The following CNTN4 variants were observed in gnomAD, a reference collection of about 807,000 sequenced individuals.
CNTN4 encodes contactin 4.
CNTN4 carries 77 observed loss-of-function variants against 122.5 expected under a neutral mutation model. That is an observed-to-expected ratio of 0.63 (90% confidence interval 0.52 to 0.76). The LOEUF (loss-of-function observed/expected upper bound fraction) is 0.76. Among genes scored for constraint, CNTN4 ranks in the 30% least tolerant of loss-of-function variants. The pLI is 0.00. For synonymous variants in CNTN4, 512 were observed against 447.0 expected (o/e 1.15, Z -1.83); for missense variants, 1,256 against 1,259.1 (o/e 1.00, Z 0.04).
chr3:2,546,895 C>G (rs2149333312), intron 3 of CNTN4, among the ~76,000 whole-genome samples: 1 of 152,178 alleles, frequency 6.6e-6, no homozygotes, highest in South Asian at 2.1e-4. Context: ...GATGTTCTAG[C>G]ATGCACAAAA....
chr3:2,628,639 A>C (rs1425318702), intron 4 of CNTN4, among the ~76,000 whole-genome samples: 2 of 152,128 alleles, frequency 1.3e-5, no homozygotes, highest in African/African-American at 4.8e-5. Flanking sequence ...ATGAGAACAA[A>C]GCTCTCTATT....
intron 2 of CNTN4, among the ~76,000 whole-genome samples, chr3:2,195,022 C>A (rs1270251059): frequency 6.6e-6 from 1 of 151,904 alleles, no homozygotes; most frequent in African/African-American, 2.4e-5. Flanking sequence ...ACCTATTCTT[C>A]CTCCAGTCTA....
chr3:2,715,529 A>C (rs11714965), intron 4 of CNTN4, among the ~76,000 whole-genome samples: 26,970 of 152,202 alleles, frequency 0.18, 2,467 homozygotes, highest in African/African-American at 0.21. Context: ...TTTAAGGATT[A>C]AGTGAGCTAC....
At chr3:2,927,249 C>A in intron 13 of CNTN4, 1 of 451,328 alleles carries the variant, frequency 2.2e-6, no homozygotes, top group Admixed American at 2.4e-5. Flanking sequence ...ACAAGCAACC[C>A]TGAGTTCTGG....
intron 4 of CNTN4, among the ~76,000 whole-genome samples, chr3:2,614,598 T>C (rs769610117): frequency 6.6e-6 from 1 of 152,028 alleles, no homozygotes; most frequent in Non-Finnish European, 1.5e-5. Flanking sequence ...AGTGAGGAAA[T>C]GAGAGAACGG....
chr3:2,494,294 A>C (rs958389699), intron 3 of CNTN4, among the ~76,000 whole-genome samples: 11 of 152,192 alleles, frequency 7.2e-5, no homozygotes, highest in African/African-American at 9.7e-5. Flanking sequence ...GACATCAATC[A>C]ATACATGTAA....
chr3:2,567,463 C>G (rs1300899970), intron 3 of CNTN4, among the ~76,000 whole-genome samples: 1 of 152,136 alleles, frequency 6.6e-6, no homozygotes, highest in Non-Finnish European at 1.5e-5. Flanking sequence ...CCTCTTTCCC[C>G]CTCAGCCTAT....
At chr3:2,117,095 C>G (rs2125171425) in intron 2 of CNTN4, among the ~76,000 whole-genome samples, 1 of 152,274 alleles carries the variant, frequency 6.6e-6, no homozygotes, top group South Asian at 2.1e-4. Context: ...GTTGAGGGCT[C>G]AGTCCCACAA....
At chr3:2,136,623 G>A (rs1054778163) in intron 2 of CNTN4, among the ~76,000 whole-genome samples, 2 of 151,910 alleles carry the variant, frequency 1.3e-5, no homozygotes, top group South Asian at 2.1e-4. Context: ...TTTGAGAAGC[G>A]ACGTGGTAAT....
intron 14 of CNTN4, among the ~76,000 whole-genome samples, chr3:2,997,372 G>T (rs953528851): frequency 2.0e-5 from 3 of 152,188 alleles, no homozygotes; most frequent in Non-Finnish European, 4.4e-5. Flanking sequence ...GTGGTCCCAT[G>T]GGGGGAGCCA....
At chr3:2,191,870 G>T (rs534004380) in intron 2 of CNTN4, among the ~76,000 whole-genome samples, 1 of 151,762 alleles carries the variant, frequency 6.6e-6, no homozygotes, top group Non-Finnish European at 1.5e-5. Context: ...CTAATGCTAT[G>T]CCTCCCCCCT....
At chr3:2,161,605 AT>A (rs1339111732) in intron 2 of CNTN4, among the ~76,000 whole-genome samples, 1 of 152,136 alleles carries the variant, frequency 6.6e-6, no homozygotes, top group Admixed American at 6.5e-5. Flanking sequence ...AGACTGGTCC[AT>A]GATCATATTT....
At chr3:2,952,487 C>T (rs1043900374) in intron 13 of CNTN4, among the ~76,000 whole-genome samples, 1 of 152,150 alleles carries the variant, frequency 6.6e-6, no homozygotes, top group Non-Finnish European at 1.5e-5. Context: ...AACCTCTAAC[C>T]ACTGTAGAGT....
intron 3 of CNTN4, among the ~76,000 whole-genome samples, chr3:2,432,260 T>G (rs1222124713): frequency 2.0e-5 from 3 of 152,240 alleles, no homozygotes; most frequent in African/African-American, 7.2e-5. Flanking sequence ...ACTGTGCTTA[T>G]GCATTCATGT....
chr3:2,548,173 C>A lies in CNTN4; in HGVS notation c.-88-23243C>A, dbSNP rs146508479. ...TTCATTGCTGTGCGGAAGCTCTTTA[C>A]TGTAATTAGATCCCATTTGTCTATT... On this transcript the variant is annotated intron_variant, in intron 3 of 24. Coordinates refer to ENST00000418658, the MANE Select transcript of CNTN4 (RefSeq NM_175607.3). 2.0e-5 allele frequency among the ~76,000 whole-genome samples: 3 copies of A among 152,150 alleles called. No homozygotes were observed. The East Asian group carries it at 5.8e-4, about 29-fold the overall frequency.
chr3:2,888,439 A>G (rs932859924), intron 10 of CNTN4, among the ~76,000 whole-genome samples: 7 of 151,938 alleles, frequency 4.6e-5, no homozygotes, highest in Non-Finnish European at 8.8e-5. Context: ...CCACCAACAC[A>G]GAATGGTTCT....
chr3:2,577,772 G>T (rs542200373), intron 4 of CNTN4, among the ~76,000 whole-genome samples: 24 of 152,296 alleles, frequency 1.6e-4, no homozygotes, highest in Middle Eastern at 3.4e-3. Context: ...ATATGTTTAC[G>T]TGCAGCAAGA....
intron 3 of CNTN4, among the ~76,000 whole-genome samples, chr3:2,501,546 C>A (rs530913216): frequency 6.6e-6 from 1 of 152,284 alleles, no homozygotes; most frequent in East Asian, 1.9e-4. Flanking sequence ...CTGCATTCCA[C>A]AGCTTGTGGC....
At chr3:2,220,460 T>G (rs952151574) in intron 2 of CNTN4, among the ~76,000 whole-genome samples, 1 of 152,170 alleles carries the variant, frequency 6.6e-6, no homozygotes, top group Non-Finnish European at 1.5e-5. Flanking sequence ...TTGATTCCAT[T>G]GAATTTACTG....
Sources: allele counts gnomAD v4.1 joint callset (sites outside exome capture counted in the v4.1 genomes callset), GRCh38; gene constraint gnomAD v4.1.1; transcripts MANE v1.5; gene names NCBI Gene and HGNC (gene_info 2026-07-23, HGNC 2026-07-21).